The following SORCS3 variants were observed in gnomAD, a reference collection of about 807,000 sequenced individuals.
SORCS3 encodes VPS10 domain-containing receptor SorCS3.
In SORCS3, 57 loss-of-function variants were observed where a neutral mutation model predicts 146.3. That is an observed-to-expected ratio of 0.39 (90% CI 0.31 to 0.49). SORCS3 has a LOEUF of 0.49. SORCS3 is among the 20% of genes least tolerant of loss of function. The pLI, the probability that SORCS3 is intolerant of heterozygous loss-of-function variation, is 0.92. For missense variants in SORCS3, 1,341 were observed against 1,575.5 expected, an observed-to-expected ratio of 0.85 and a Z score of 2.52; for synonymous variants, 653 against 618.5, an observed-to-expected ratio of 1.06 and a Z score of -0.83.
At chr10:104,699,542 A>G (rs550233251) in intron 1 of SORCS3, among the ~76,000 whole-genome samples, 1 of 152,274 alleles carries the variant, frequency 6.6e-6, no homozygotes, top group Admixed American at 6.5e-5. Flanking sequence ...TAGAAGATGA[A>G]TGGCAAGACC....
intron 3 of SORCS3, among the ~76,000 whole-genome samples, chr10:104,968,505 T>G (rs755005556): frequency 6.6e-6 from 1 of 152,174 alleles, no homozygotes; most frequent in Non-Finnish European, 1.5e-5. Flanking sequence ...CTTAACAATC[T>G]GCGAAACCAT....
chr10:105,113,145 C>T (rs554113388), intron 7 of SORCS3, among the ~76,000 whole-genome samples: 84 of 152,284 alleles, frequency 5.5e-4, no homozygotes, highest in Non-Finnish European at 1.1e-3. Context: ...CAAAAGGATC[C>T]TGCTGCTAAA....
chr10:105,226,176 G>A (rs946939550), intron 20 of SORCS3, among the ~76,000 whole-genome samples: 2 of 151,872 alleles, frequency 1.3e-5, no homozygotes, highest in East Asian at 1.9e-4. Flanking sequence ...TCCTGATTCA[G>A]TATGATATTA....
At chr10:104,759,154 G>A (rs1057027643) in intron 1 of SORCS3, among the ~76,000 whole-genome samples, 1 of 152,130 alleles carries the variant, frequency 6.6e-6, no homozygotes, top group Non-Finnish European at 1.5e-5. Flanking sequence ...TGAACATTAA[G>A]GCAGAGATCA....
At chr10:105,242,664 A>G (rs1200477703) in intron 20 of SORCS3, among the ~76,000 whole-genome samples, 1 of 103,718 alleles carries the variant, frequency 9.6e-6, no homozygotes, top group African/African-American at 4.1e-5. Flanking sequence ...ATACATTTAT[A>G]TATATTTATA....
intron 5 of SORCS3, among the ~76,000 whole-genome samples, chr10:105,064,300 G>C (rs2055507380): frequency 6.6e-6 from 1 of 152,164 alleles, no homozygotes; most frequent in Non-Finnish European, 1.5e-5. Context: ...ACTCCGAAAG[G>C]CCTTCCTTAA....
At chr10:105,075,835 T>G (rs1182626745) in intron 5 of SORCS3, among the ~76,000 whole-genome samples, 1 of 152,152 alleles carries the variant, frequency 6.6e-6, no homozygotes, top group Non-Finnish European at 1.5e-5. Context: ...CTCTTCAATT[T>G]GCAGAGGAAG....
intron 1 of SORCS3, among the ~76,000 whole-genome samples, chr10:104,727,565 A>ATATG (rs2016652456): frequency 6.7e-6 from 1 of 149,792 alleles, no homozygotes; most frequent in Non-Finnish European, 1.5e-5. Context: ...ATATATATAT[A>ATATG]AGATGCATAC....
At chr10:104,665,865 A>C (rs1280409255) in intron 1 of SORCS3, 1 of 152,230 alleles carries the variant, frequency 6.6e-6, no homozygotes, top group Non-Finnish European at 1.5e-5. Flanking sequence ...TCAGACGCAC[A>C]TGGCAATCTA....
chr10:104,923,322 A>ATGT (rs1338066753), intron 3 of SORCS3, among the ~76,000 whole-genome samples: 3 of 152,190 alleles, frequency 2.0e-5, no homozygotes, highest in Non-Finnish European at 2.9e-5. Context: ...ATATGACTAC[A>ATGT]TGTTGGCTGG....
At chr10:105,225,715 T>C (rs2056730257) in intron 20 of SORCS3, among the ~76,000 whole-genome samples, 1 of 152,020 alleles carries the variant, frequency 6.6e-6, no homozygotes, top group South Asian at 2.1e-4. Flanking sequence ...TCCATGAACA[T>C]GGCATATCTG....
intron 3 of SORCS3, among the ~76,000 whole-genome samples, chr10:104,922,328 A>T (rs2019095254): frequency 6.6e-6 from 1 of 152,224 alleles, no homozygotes; most frequent in African/African-American, 2.4e-5. Context: ...ATCTTTTAAA[A>T]ATGTCTACCT....
chr10:104,765,391 C>A, intron 1 of SORCS3, among the ~76,000 whole-genome samples: 1 of 152,212 alleles, frequency 6.6e-6, no homozygotes, highest in East Asian at 1.9e-4. Context: ...TAGTCTCCAA[C>A]TCCTAAGTAG....
intron 5 of SORCS3, among the ~76,000 whole-genome samples, chr10:105,076,246 A>C (rs1564748224): frequency 6.6e-6 from 1 of 152,210 alleles, no homozygotes; most frequent in Non-Finnish European, 1.5e-5. Context: ...GACCTATGAT[A>C]CCAAAGCTCC....
At chr10:104,815,009 G>C (rs1047926498) in intron 1 of SORCS3, among the ~76,000 whole-genome samples, 1 of 152,138 alleles carries the variant, frequency 6.6e-6, no homozygotes, top group African/African-American at 2.4e-5. Context: ...TGGAGGAAGA[G>C]GGAAGACACA....
intron 12 of SORCS3, among the ~76,000 whole-genome samples, chr10:105,164,743 G>T (rs1035596696): frequency 6.6e-6 from 1 of 152,054 alleles, no homozygotes; most frequent in Non-Finnish European, 1.5e-5. Context: ...TTCACCTTTG[G>T]GGATGTGTTT....
rs1407463397 is a variant in SORCS3 at position 105,211,213 on chromosome 10, G to A, written c.2338G>A (p.Asp780Asn). The A allele has an allele frequency of 6.2e-7, 1 of 1,613,904 alleles. No individual in the cohort carries two copies. The highest frequency in any genetic ancestry group is 8.5e-7 in the Non-Finnish European group (1 of 1,179,968). Reference sequence around the variant, plus strand: ...GTACAATCCAGCATCCCCATCAAAGGACTGCAGCCTTGGTCAAAGCTACCT... The same window carrying A: ...GTACAATCCAGCATCCCCATCAAAGAACTGCAGCCTTGGTCAAAGCTACCT... ...FWYNPASPSKDCSLGQSYLNS... is the reference protein window; with the variant it reads ...FWYNPASPSKNCSLGQSYLNS... The change falls in exon 17 of 27, where the codon GAC becomes AAC. Residue 780 changes from aspartate (D) to asparagine (N), a missense_variant. Coordinates refer to ENST00000369701, the MANE Select transcript of SORCS3 (RefSeq NM_014978.3).
At chr10:104,927,052 T>G (rs2019156034) in intron 3 of SORCS3, among the ~76,000 whole-genome samples, 1 of 152,242 alleles carries the variant, frequency 6.6e-6, no homozygotes, top group African/African-American at 2.4e-5. Flanking sequence ...TAGGTGCTTA[T>G]GTTTGCTCAA....
At chr10:105,210,167 G>A (rs2056625461) in intron 16 of SORCS3, among the ~76,000 whole-genome samples, 1 of 152,028 alleles carries the variant, frequency 6.6e-6, no homozygotes, top group Non-Finnish European at 1.5e-5. Context: ...CAAAATCTTG[G>A]CTCAAAGAAT....
Sources: gnomAD v4.1 joint callset for allele counts (sites outside exome capture counted in the v4.1 genomes callset) on GRCh38, gnomAD v4.1.1 for gene constraint, MANE v1.5 for transcripts, NCBI Gene and HGNC (gene_info 2026-07-23, HGNC 2026-07-21) for gene names.